The following SYNE2 variants were observed in gnomAD, a reference collection of about 807,000 sequenced individuals.
SYNE2 encodes spectrin repeat containing nuclear envelope protein 2.
SYNE2 carries 431 observed loss-of-function variants against 856.3 expected under a neutral mutation model. The observed-to-expected ratio is 0.50, with a 90% confidence interval of 0.47 to 0.55. The LOEUF is 0.55. SYNE2 is among the 20% of genes least tolerant of loss of function. SYNE2 has a pLI of 0.00. For missense variants in SYNE2, 8,129 were observed against 8,023.2 expected (o/e 1.01, Z -0.50); for synonymous variants, 2,923 against 2,872.3 (o/e 1.02, Z -0.56).
intron 1 of SYNE2, among the ~76,000 whole-genome samples, chr14:63,890,282 C>G (rs144152335): frequency 6.6e-6 from 1 of 151,830 alleles, no homozygotes; most frequent in Non-Finnish European, 1.5e-5. Context: ...AGGCTGATCT[C>G]GAACTCCTGA....
intron 1 of SYNE2, among the ~76,000 whole-genome samples, chr14:63,795,509 T>C (rs1427159499): frequency 6.6e-6 from 1 of 152,060 alleles, no homozygotes; most frequent in Non-Finnish European, 1.5e-5. Flanking sequence ...AAACTCCCCT[T>C]TATATATATA....
intron 85 of SYNE2, among the ~76,000 whole-genome samples, chr14:64,157,845 T>G (rs1270542732): frequency 6.6e-6 from 1 of 152,260 alleles, no homozygotes; most frequent in African/African-American, 2.4e-5. Context: ...GTTCAGTGTC[T>G]TTTCATATGT....
At chr14:63,795,181 G>T (rs368309250) in intron 1 of SYNE2, among the ~76,000 whole-genome samples, 1 of 152,138 alleles carries the variant, frequency 6.6e-6, no homozygotes, top group East Asian at 1.9e-4. Context: ...ATCTGTGAGG[G>T]TGTTGCCAAA....
chr14:63,951,187 G>C (rs888464444), intron 7 of SYNE2, among the ~76,000 whole-genome samples: 1 of 152,144 alleles, frequency 6.6e-6, no homozygotes, highest in Admixed American at 6.5e-5. Context: ...TCATAGCATT[G>C]TTAGGTAAAT....
chr14:63,830,490 C>T (rs945915350), intron 1 of SYNE2, among the ~76,000 whole-genome samples: 1 of 151,852 alleles, frequency 6.6e-6, no homozygotes, highest in East Asian at 1.9e-4. Context: ...AAGACCTTGT[C>T]TCTACAAATA....
At chr14:64,143,650 C>T in intron 82 of SYNE2, 122 bp from the exon 83 acceptor site, 1 of 1,021,198 alleles carries the variant, frequency 9.8e-7, no homozygotes, top group Non-Finnish European at 1.5e-6. Flanking sequence ...GAACAGAACT[C>T]CTGACAGGTG....
intron 88 of SYNE2, chr14:64,162,689 A>G (rs887523139): frequency 7.7e-5 from 23 of 298,248 alleles, no homozygotes; most frequent in South Asian, 4.0e-4. Flanking sequence ...GGTATAGTAA[A>G]TTTCAGACTA....
chr14:63,974,851 C>CGTGT lies in SYNE2; in HGVS notation c.1129-1712_1129-1711insGTGT, dbSNP rs1566949091. Reference sequence around the variant, plus strand: ...GTATATAGACGTGTGTGTGTGTGTACATGTGTGTGTGTGTGTGTGTGTGTG... The same window carrying CGTGT: ...GTATATAGACGTGTGTGTGTGTGTACGTGTATGTGTGTGTGTGTGTGTGTGTGTG... On this transcript the variant is annotated intron_variant, in intron 11 of 115. Transcript: ENST00000555002. 7.1e-3 allele frequency among the ~76,000 whole-genome samples: 375 copies of CGTGT among 52,720 alleles called. 10 individuals carry two copies. The highest frequency in any genetic ancestry group is 0.011 in the Admixed American group (46 of 4,012). 34.6% of individuals were successfully genotyped at this position (52,720 alleles called of 152,430 possible). A position where few individuals can be genotyped will look rare whatever the true frequency, so the allele number is the denominator to read the frequency against.
intron 99 of SYNE2, among the ~76,000 whole-genome samples, chr14:64,199,713 C>CAAA (rs34710996): frequency 1.2e-4 from 8 of 66,028 alleles, no homozygotes; most frequent in South Asian, 4.9e-4. Context: ...GACTCTGTCT[C>CAAA]AAAAAAAAAA....
At chr14:63,998,858 T>C (rs528457383) in intron 26 of SYNE2, 56 bp from the exon 27 acceptor site, 1 of 1,603,044 alleles carries the variant, frequency 6.2e-7, no homozygotes, top group Non-Finnish European at 8.5e-7. Context: ...CCACTGCGCT[T>C]GGCCTGTGTT....
At chr14:63,843,641 C>G (rs1355963168) in intron 1 of SYNE2, among the ~76,000 whole-genome samples, 1 of 152,016 alleles carries the variant, frequency 6.6e-6, no homozygotes, top group Non-Finnish European at 1.5e-5. Flanking sequence ...TAAGGAAGTA[C>G]CCAACAATTC....
At chr14:64,127,373 A>G (rs552656768) in intron 73 of SYNE2, among the ~76,000 whole-genome samples, 3 of 152,260 alleles carry the variant, frequency 2.0e-5, no homozygotes, top group Admixed American at 6.5e-5. Flanking sequence ...CCAGGAGTTC[A>G]AGACCAGCCT....
rs1214108323 is a variant in SYNE2, at chr14:64,022,033, G to A, written c.5524+5G>A. On this transcript the variant is annotated splice_donor_5th_base_variant and intron_variant, in intron 37 of 115. Transcript: ENST00000555002. ...ACTTTTCTAAGTTATTGAATGGTGA[G>A]TGCAACATTTCTCTTATTTTGTTTC... 1.9e-6 allele frequency: 3 copies of A among 1,613,012 alleles called. No individual in the cohort carries two copies. Among genetic ancestry groups the A allele is most frequent in the South Asian group, 1.1e-5 (1 of 91,000 alleles).
chr14:63,826,161 A>G (rs1049809407), intron 1 of SYNE2, among the ~76,000 whole-genome samples: 1 of 152,252 alleles, frequency 6.6e-6, no homozygotes, highest in Admixed American at 6.5e-5. Context: ...TAAAAGCTAC[A>G]GTAATCAAGA....
chr14:64,158,747 T>C lies in SYNE2; in HGVS notation c.15915T>C (p.Pro5305=). ...RFWYCMEHSK[P]VVLSLETLRC... ...GGTACTGCATGGAACACAGCAAGCC[T>C]GTGGTGTTATCATTGGAGACCTTGA... The change falls in exon 86 of 116, where the codon CCT becomes CCC. Residue 5305 remains proline, a synonymous_variant. Transcript: ENST00000555002. 1.2e-6 allele frequency: 2 copies of C among 1,613,958 alleles called. No homozygotes were observed. The highest frequency in any genetic ancestry group is 1.7e-6 in the Non-Finnish European group (2 of 1,179,900).
intron 8 of SYNE2, among the ~76,000 whole-genome samples, chr14:63,958,601 G>A (rs2096269801): frequency 6.6e-6 from 1 of 152,118 alleles, no homozygotes; most frequent in Non-Finnish European, 1.5e-5. Flanking sequence ...GTGCTGATCA[G>A]GGTTCTCATG....
At chr14:64,185,703 T>C (rs1405600230) in intron 96 of SYNE2, among the ~76,000 whole-genome samples, 1 of 151,970 alleles carries the variant, frequency 6.6e-6, no homozygotes. Flanking sequence ...GTATTTTTAG[T>C]AGAGATGGGG....
At chr14:64,063,816 A>G (rs577066730) in intron 50 of SYNE2, among the ~76,000 whole-genome samples, 1 of 152,230 alleles carries the variant, frequency 6.6e-6, no homozygotes, top group Non-Finnish European at 1.5e-5. Flanking sequence ...AAATAACAAA[A>G]TGTACAGTAG....
At position 64,003,340 on chromosome 14, in the gene SYNE2, GTCCA is replaced by G. The variant is rs1209864630; in HGVS notation, c.4397+16_4397+19del. 6.2e-7 allele frequency: 1 copy of G among 1,613,828 alleles called. No individual in the cohort carries two copies. The highest frequency in any genetic ancestry group is 1.3e-5 in the African/African-American group (1 of 74,926). ...CAGCTGTGAAACATCGGTAAGTATT[GTCCA>G]TCCATTTCCATCCAAGGTGACTGAC... On this transcript the variant is annotated intron_variant, in intron 30 of 115. Transcript: ENST00000555002.
Sources: gnomAD v4.1 joint callset for allele counts (sites outside exome capture counted in the v4.1 genomes callset) on GRCh38, gnomAD v4.1.1 for gene constraint, MANE v1.5 for transcripts, NCBI Gene and HGNC (gene_info 2026-07-23, HGNC 2026-07-21) for gene names.